The following CACNA1C variants were observed in gnomAD, a reference collection of about 807,000 sequenced individuals.
CACNA1C encodes the protein calcium voltage-gated channel subunit alpha1 C, also known as voltage-dependent L-type calcium channel subunit alpha-1C.
Under a neutral mutation model 229.0 loss-of-function variants are expected in CACNA1C, and 30 were observed. That is an observed-to-expected ratio of 0.13 (90% CI 0.10 to 0.18). The LOEUF (loss-of-function observed/expected upper bound fraction) is 0.18, where lower values mean the gene tolerates loss of function less well. Ranked by LOEUF, CACNA1C falls within the 10% of genes least tolerant of loss-of-function variation. CACNA1C has a pLI of 1.00. For synonymous variants in CACNA1C, 1,114 were observed against 1,132.5 expected, an observed-to-expected ratio of 0.98 and a Z score of 0.33; for missense variants, 1,658 against 2,845.0, an observed-to-expected ratio of 0.58 and a Z score of 9.49.
intron 1 of CACNA1C, among the ~76,000 whole-genome samples, chr12:2,033,284 C>T (rs2048530611): frequency 6.6e-6 from 1 of 152,150 alleles, no homozygotes; most frequent in African/African-American, 2.4e-5. Flanking sequence ...CCCATGATGC[C>T]CGCCCTCTGC....
At position 2,285,077 on chromosome 12, in the gene CACNA1C, G is replaced by A. The variant is rs1237476662; in HGVS notation, c.478-163899G>A. Reference sequence around the variant, plus strand: ...CTGGCATCTCTCCTGCTCTCTGGGAGGAGGGACGGGCCGCTAAGTGCTGAC... The same window carrying A: ...CTGGCATCTCTCCTGCTCTCTGGGAAGAGGGACGGGCCGCTAAGTGCTGAC... On this transcript the variant is annotated intron_variant, in intron 3 of 46. Transcript: ENST00000399655. The surrounding 1 kb of genome is among the most constrained non-coding windows in gnomAD (Gnocchi z 4.2). 1.3e-5 allele frequency among the ~76,000 whole-genome samples: 2 copies of A among 152,140 alleles called. No individual in the cohort carries two copies. Among genetic ancestry groups the A allele is most frequent in the Non-Finnish European group, 2.9e-5 (2 of 68,028 alleles).
Position 2,183,089 on chromosome 12 carries a change from T to A in CACNA1C, c.477+62659T>A, listed in dbSNP as rs116873880. Among the ~76,000 whole-genome samples the A allele has an allele frequency of 9.0e-3, 1,367 of 152,250 alleles. 14 individuals carry two copies. Among genetic ancestry groups the A allele is most frequent in the Non-Finnish European group, 0.014 (980 of 67,996 alleles). On this transcript the variant is annotated intron_variant, in intron 3 of 46. Transcript: ENST00000399655. ...GGTCTCACTATGTTGACCAGGCTTG[T>A]CTCCGACTCCTGGCCTCAAACAATC...
Position 2,078,327 on chromosome 12 carries a change from C to T in CACNA1C, c.49+24716C>T, listed in dbSNP as rs149815644. ...GGAAATAAATTTTTGTTTCTTAAGC[C>T]GGCTAGTCTATGGTATTTTGCTATG... On this transcript the variant is annotated intron_variant, in intron 1 of 46. Coordinates refer to ENST00000399655, the MANE Select transcript of CACNA1C (RefSeq NM_000719.7). Among the ~76,000 whole-genome samples the T allele has an allele frequency of 3.3e-3, 501 of 152,226 alleles. 3 individuals carry two copies. Among genetic ancestry groups the T allele is most frequent in the Middle Eastern group, 6.8e-3 (2 of 294 alleles).
intron 5 of CACNA1C, among the ~76,000 whole-genome samples, chr12:2,459,068 C>T (rs1318636782): frequency 2.7e-5 from 4 of 149,990 alleles, no homozygotes; most frequent in African/African-American, 4.9e-5. Flanking sequence ...CTGCAACCTC[C>T]GCCTCCCAGG....
chr12:2,450,886 G>A (rs1427269215), intron 4 of CACNA1C, among the ~76,000 whole-genome samples: 4 of 152,182 alleles, frequency 2.6e-5, no homozygotes, highest in Admixed American at 6.5e-5. Context: ...TCACCATCTT[G>A]TGAGAGTGCC....
At chr12:2,469,240 T>C (rs1449653119) in intron 5 of CACNA1C, among the ~76,000 whole-genome samples, 1 of 152,188 alleles carries the variant, frequency 6.6e-6, no homozygotes, top group Non-Finnish European at 1.5e-5. Context: ...CTGTGGTCTG[T>C]GGCAGCAGCA....
intron 3 of CACNA1C, among the ~76,000 whole-genome samples, chr12:2,252,538 GT>G (rs981821667): frequency 2.6e-5 from 4 of 152,198 alleles, no homozygotes; most frequent in Admixed American, 2.6e-4. Flanking sequence ...GGGGCTTCTT[GT>G]GTGAGTCATC....
rs112919597 is a variant in CACNA1C at position 2,651,594 on chromosome 12, C to A, written c.3946-46C>A. On this transcript the variant is annotated intron_variant, in intron 31 of 46. Transcript: ENST00000399655. The surrounding 1 kb of genome is among the most constrained non-coding windows in gnomAD (Gnocchi z 5.4). ...CGGAGGGGCCCTCCTGTTCTCACCC[C>A]CCTCTTGCTGTGCTAACTGCACCTC... 1.2e-5 allele frequency: 19 copies of A among 1,613,840 alleles called. No individual in the cohort carries two copies. The highest frequency in any genetic ancestry group is 1.6e-4 in the Middle Eastern group (1 of 6,062).
At chr12:2,613,949 G>C (rs1602131658) in intron 29 of CACNA1C, 1 of 152,248 alleles carries the variant, frequency 6.6e-6, no homozygotes, top group South Asian at 2.1e-4. Context: ...TCATTCCACA[G>C]TTGACTCAGA....
Position 2,275,803 on chromosome 12 carries a change from G to A in CACNA1C, c.477+155373G>A, listed in dbSNP as rs955406653. 6.6e-6 allele frequency among the ~76,000 whole-genome samples: 1 copy of A among 150,756 alleles called. No individual in the cohort carries two copies. Among genetic ancestry groups the A allele is most frequent in the African/African-American group, 2.5e-5 (1 of 40,084 alleles). On this transcript the variant is annotated intron_variant, in intron 3 of 46. Transcript: ENST00000399655. The surrounding 1 kb of genome is among the most constrained non-coding windows in gnomAD (Gnocchi z 4.1). Reference sequence around the variant, plus strand: ...GGGAGGGCTCAGTGCTTCCACGGGTGGATGTTCAGCAGCAGGCCCCCTCTG... The same window carrying A: ...GGGAGGGCTCAGTGCTTCCACGGGTAGATGTTCAGCAGCAGGCCCCCTCTG...
At chr12:1,980,885 A>G (rs1472961356) in intron 1 of CACNA1C, among the ~76,000 whole-genome samples, 2 of 152,034 alleles carry the variant, frequency 1.3e-5, no homozygotes, top group Non-Finnish European at 2.9e-5. Flanking sequence ...ACAGTGAATA[A>G]ACTTCTTAAA....
Position 2,512,759 on chromosome 12 carries a change from G to C in CACNA1C, c.1218-53G>C. On this transcript the variant is annotated intron_variant, in intron 8 of 46. Transcript: ENST00000399655. This position sits in a 1 kb window ranked among gnomAD's most constrained non-coding sequence, Gnocchi z 4.3. ...CCTTCCATCCTCGACCCTTCTCGGT[G>C]CTCCCTCCTTCTCTGTGCTCTCCTG... 1 of 1,377,314 alleles carries C rather than the reference G, an allele frequency of 7.3e-7. No homozygotes were observed. Among genetic ancestry groups the C allele is most frequent in the Non-Finnish European group, 9.9e-7 (1 of 1,010,388 alleles). The allele number at this position is 1,377,314 out of a possible 1,614,324, so 85.3% of individuals were successfully genotyped here.
At chr12:2,491,450 AGG>A (rs2099731727) in intron 6 of CACNA1C, among the ~76,000 whole-genome samples, 2 of 147,050 alleles carry the variant, frequency 1.4e-5, no homozygotes, top group Non-Finnish European at 3.0e-5. Flanking sequence ...GAGGAGGAAA[AGG>A]AGGAGGAGGA....
intron 3 of CACNA1C, among the ~76,000 whole-genome samples, chr12:2,438,376 GATGGTGGTCATGGTAGTC>G (rs1445169360): frequency 3.4e-5 from 5 of 146,420 alleles, no homozygotes; most frequent in East Asian, 2.0e-4. Context: ...TGGTGGTGGT[GATGGTGGTCATGGTAGTC>G]ATGGTGGTGG....
chr12:2,106,408 G>A (rs71454861), intron 1 of CACNA1C, among the ~76,000 whole-genome samples: 35 of 60,056 alleles, frequency 5.8e-4, no homozygotes, highest in African/African-American at 1.6e-3. Context: ...TGAGCTGGGC[G>A]TCCTGAAGCC....
chr12:2,531,288 A>AC (rs1240008180), intron 9 of CACNA1C, among the ~76,000 whole-genome samples: 1 of 152,066 alleles, frequency 6.6e-6, no homozygotes, highest in African/African-American at 2.4e-5. Flanking sequence ...GCACATGGTA[A>AC]CCCCCCAGAA....
chr12:2,642,669 C>T (rs2093853528), intron 30 of CACNA1C, among the ~76,000 whole-genome samples: 2 of 152,234 alleles, frequency 1.3e-5, no homozygotes, highest in Admixed American at 1.3e-4. Context: ...CTCTGTTTCT[C>T]TGCCTTTCTT....
chr12:2,586,145 TC>T lies in CACNA1C; in HGVS notation c.2530+243del, dbSNP rs573795905. ...ATTTGAGCAGTGCTTTTGTGTCCTT[TC>T]CAAGTTGGATTCAGTGTACATTTAA... On this transcript the variant is annotated intron_variant, in intron 18 of 46. Coordinates refer to ENST00000399655, the MANE Select transcript of CACNA1C (RefSeq NM_000719.7). 3.3e-3 allele frequency among the ~76,000 whole-genome samples: 505 copies of T among 152,356 alleles called. 1 individual carries two copies. Among genetic ancestry groups the T allele is most frequent in the Non-Finnish European group, 5.0e-3 (341 of 68,038 alleles).
At chr12:2,413,282 G>C (rs920414457) in intron 3 of CACNA1C, among the ~76,000 whole-genome samples, 57 of 152,190 alleles carry the variant, frequency 3.7e-4, no homozygotes, top group Non-Finnish European at 1.8e-4. Context: ...CTCCCAAAAT[G>C]GTGGGATTAC....
Sources: allele counts gnomAD v4.1 joint callset (sites outside exome capture counted in the v4.1 genomes callset), GRCh38; gene constraint gnomAD v4.1.1; non-coding constraint Gnocchi (gnomAD v3.1); transcripts MANE v1.5; gene names NCBI Gene and HGNC (gene_info 2026-07-23, HGNC 2026-07-21).